The following ZFHX2 variants were observed in gnomAD, a reference collection of about 807,000 sequenced individuals.
The protein encoded by ZFHX2 is zinc finger homeobox 2, also known as zinc finger homeobox protein 2.
In ZFHX2, 75 loss-of-function variants were observed where a neutral mutation model predicts 164.8. That is an observed-to-expected ratio of 0.46 (90% CI 0.38 to 0.55). The LOEUF is 0.55. ZFHX2 is among the 20% of genes least tolerant of loss of function. The probability of loss-of-function intolerance (pLI) is 0.00; values close to 1 mark genes in which losing one functional copy is unlikely to be tolerated. For missense variants in ZFHX2, 2,933 were observed against 3,308.0 expected (o/e 0.89, Z 2.78); for synonymous variants, 1,217 against 1,351.4 (o/e 0.90, Z 2.18).
At position 23,525,428 on chromosome 14, in the gene ZFHX2, C is replaced by T. The variant is rs561952682; in HGVS notation, c.4514G>A (p.Arg1505His). 3.2e-4 allele frequency: 492 copies of T among 1,536,094 alleles called. 2 individuals carry two copies. Among genetic ancestry groups the T allele is most frequent in the South Asian group, 1.5e-3 (130 of 84,060 alleles). The change falls in exon 9 of 10, where the codon CGC (arginine) becomes CAC (histidine). Residue 1505 changes from arginine to histidine, a missense_variant. Transcript: ENST00000419474. The surrounding 1 kb of genome is among the most constrained non-coding windows in gnomAD (Gnocchi z 5.9). ...GCTCAGGGCTTCAAAGGGCAGAAAG[C>T]GGCGGTGGACATGTTCCTCGTGTGT... is the stretch of plus-strand genomic sequence containing the variant. Reference protein sequence around the residue: ...LKTHEEHVHRRFLPFEALSRY... With the variant: ...LKTHEEHVHRHFLPFEALSRY...
chr14:23,552,218 C>T (rs554875620), upstream of ZFHX2, among the ~76,000 whole-genome samples: 1 of 152,064 alleles, frequency 6.6e-6, no homozygotes, highest in Non-Finnish European at 1.5e-5. Context: ...TTACATAGTC[C>T]CCTGAGCTGG....
upstream of ZFHX2, among the ~76,000 whole-genome samples, chr14:23,554,446 G>A (rs139553038): frequency 8.5e-3 from 1,288 of 152,118 alleles, 22 homozygotes; most frequent in African/African-American, 0.03. Flanking sequence ...TAGCAGGATC[G>A]TAGCTCACTG....
rs1389656244 is a variant in ZFHX2, at chr14:23,535,389, G to A, written c.-49-15C>T. 7.0e-7 allele frequency: 1 copy of A among 1,430,146 alleles called. No individual in the cohort carries two copies. The allele number at this position is 1,430,146 out of a possible 1,614,324, so 88.6% of individuals were successfully genotyped here. On this transcript the variant is annotated splice_polypyrimidine_tract_variant and intron_variant, in intron 1 of 9. Transcript: ENST00000419474. The surrounding 1 kb of genome is among the most constrained non-coding windows in gnomAD (Gnocchi z 4.5). ...CAGCCAGTACCCTGTAGGGAGACAA[G>A]GAGAGAGCAGTGCTGTGAGGCTGCA... is the stretch of plus-strand genomic sequence containing the variant.
Position 23,534,047 on chromosome 14 carries a change from G to A in ZFHX2, c.1279C>T (p.Pro427Ser), listed in dbSNP as rs1280651411. Reference protein sequence around the residue: ...QPYRLADDYTPAPAAFQGLSL... With the variant: ...QPYRLADDYTSAPAAFQGLSL... ...AGGCCCTGGAAGGCTGCAGGGGCTG[G>A]GGTGTAGTCATCAGCTAGGCGATAG... The change falls in exon 2 of 10, where the codon CCA (proline) becomes TCA (serine). Residue 427 changes from proline to serine, a missense_variant. By Grantham distance (74) the Pro-to-Ser change is moderately conservative. Transcript: ENST00000419474. This position sits in a 1 kb window ranked among gnomAD's most constrained non-coding sequence, Gnocchi z 4.5. 6.5e-7 allele frequency: 1 copy of A among 1,534,126 alleles called. No homozygotes were observed. The highest frequency in any genetic ancestry group is 2.4e-5 in the East Asian group (1 of 40,862).
chr14:23,524,648 G>C lies in ZFHX2; in HGVS notation c.5294C>G (p.Pro1765Arg). ...CTGGTCACAGGTATGGGCTGGGGAA[G>C]GTGATGGAGTAGCCTTCTCTTCAGG... is the stretch of plus-strand genomic sequence containing the variant. ...KEPEEKATPS[P>R]SPAHTCDQCA... Residue 1765 changes from proline (P) to arginine (R), a missense_variant, in exon 9 of 10, where the codon CCT becomes CGT. Coordinates refer to ENST00000419474, the MANE Select transcript of ZFHX2 (RefSeq NM_033400.3). The surrounding 1 kb of genome is among the most constrained non-coding windows in gnomAD (Gnocchi z 5.6). 2 of 1,536,394 alleles carry C rather than the reference G, an allele frequency of 1.3e-6. No individual in the cohort carries two copies. The highest frequency in any genetic ancestry group is 1.7e-4 in the Middle Eastern group (1 of 5,990).
chr14:23,535,246 G>T lies in ZFHX2; in HGVS notation c.80C>A (p.Thr27Asn). 6.6e-7 allele frequency: 1 copy of T among 1,515,844 alleles called. No homozygotes were observed. The highest frequency in any genetic ancestry group is 2.5e-5 in the East Asian group (1 of 40,436). The allele number at this position is 1,515,844 out of a possible 1,614,324, so 93.9% of individuals were successfully genotyped here. ...GHNAPSLPSD[T>N]FSSSTPSDPV... is the part of the protein sequence containing the mutation. ...ATCAGAGGGGGTGCTGGAGGAGAAG[G>T]TGTCCGAAGGCAGGGACGGGGCATT... is the stretch of plus-strand genomic sequence containing the variant. Residue 27 changes from threonine to asparagine, a missense_variant, in exon 2 of 10, where the codon ACC becomes AAC. Coordinates refer to ENST00000419474, the MANE Select transcript of ZFHX2 (RefSeq NM_033400.3). The surrounding 1 kb of genome is among the most constrained non-coding windows in gnomAD (Gnocchi z 4.5).
intron 8 of ZFHX2, 83 bp from the exon 9 acceptor site, chr14:23,526,762 C>A: frequency 6.5e-7 from 1 of 1,530,490 alleles, no homozygotes; most frequent in Admixed American, 2.0e-5. Flanking sequence ...GGCAGTTGAC[C>A]TTGGCCTCAG....
Position 23,523,115 on chromosome 14 carries a change from A to G in ZFHX2, c.6739+88T>C, listed in dbSNP as rs1196768218. 7.1e-7 allele frequency: 1 copy of G among 1,401,508 alleles called. No homozygotes were observed. Among genetic ancestry groups the G allele is most frequent in the Admixed American group, 3.2e-5 (1 of 31,042 alleles). 86.8% of individuals were successfully genotyped at this position (1,401,508 alleles called of 1,614,324 possible). On this transcript the variant is annotated intron_variant, in intron 9 of 9. Transcript: ENST00000419474. This position sits in a 1 kb window ranked among gnomAD's most constrained non-coding sequence, Gnocchi z 4.1. ...AAAGGAAGGCCACAGGAGATTGGGC[A>G]TGGGAAGAATCAGGAAGGAAAAGGA...
intron 4 of ZFHX2, chr14:23,530,680 ATTAAAGTG>A (rs1158073881): frequency 5.8e-6 from 2 of 344,532 alleles, no homozygotes; most frequent in African/African-American, 4.3e-5. Context: ...TGGCAGCCTA[ATTAAAGTG>A]TTAAAGTTCC....
chr14:23,526,059 G>T lies in ZFHX2; in HGVS notation c.3883C>A (p.Pro1295Thr). Residue 1295 changes from proline (P) to threonine (T), a missense_variant, in exon 9 of 10, where the codon CCC (proline) becomes ACC (threonine). Transcript: ENST00000419474. ...TCCCCCTCTGTCTCGCCTTCCTTGG[G>T]CTCTTCTTGGCTGCGTTCTGGCCCT... The part of the protein sequence containing the change: ...IEGPERSQEE[P>T]KEGETEGEVG... The T allele has an allele frequency of 6.5e-7, 1 of 1,536,512 alleles. No homozygotes were observed.
intron 1 of ZFHX2, among the ~76,000 whole-genome samples, chr14:23,544,837 G>A (rs897589370): frequency 2.8e-4 from 43 of 152,100 alleles, no homozygotes; most frequent in African/African-American, 9.9e-4. Context: ...CCTCCGGCTC[G>A]CCATTTCTCC....
intron 1 of ZFHX2, among the ~76,000 whole-genome samples, chr14:23,538,604 C>T (rs993224508): frequency 1.3e-5 from 2 of 152,200 alleles, no homozygotes; most frequent in African/African-American, 4.8e-5. Context: ...CCATTCTTCC[C>T]TTTAGTTCCT....
At position 23,521,148 on chromosome 14, in the gene ZFHX2, T is replaced by C. The variant is rs1179075306; in HGVS notation, c.*814A>G. On this transcript the variant is annotated 3_prime_UTR_variant, in exon 10 of 10. Coordinates refer to ENST00000419474, the MANE Select transcript of ZFHX2 (RefSeq NM_033400.3). ...TGTGTTTAAAGCCTTTGAGAATAAG[T>C]TACTGCAGTTCCCAGGGTGCAAGGT... 6.6e-6 allele frequency: 1 copy of C among 152,322 alleles called. No individual in the cohort carries two copies. Among genetic ancestry groups the C allele is most frequent in the Non-Finnish European group, 1.5e-5 (1 of 68,166 alleles). 9.4% of individuals were successfully genotyped at this position (152,322 alleles called of 1,614,324 possible). A position where few individuals can be genotyped will look rare whatever the true frequency, so the allele number is the denominator to read the frequency against.
chr14:23,537,279 C>T (rs1411813539), intron 1 of ZFHX2, among the ~76,000 whole-genome samples: 1 of 151,918 alleles, frequency 6.6e-6, no homozygotes, highest in African/African-American at 2.4e-5. Flanking sequence ...CACCAATTCC[C>T]ATGCCTCTCC....
chr14:23,535,249 T>A lies in ZFHX2; in HGVS notation c.77A>T (p.Asp26Val). 6.6e-7 allele frequency: 1 copy of A among 1,514,070 alleles called. No individual in the cohort carries two copies. 93.8% of individuals were successfully genotyped at this position (1,514,070 alleles called of 1,614,324 possible). A position where few individuals can be genotyped will look rare whatever the true frequency, so the allele number is the denominator to read the frequency against. Residue 26 changes from aspartate (D) to valine (V), a missense_variant, in exon 2 of 10, where the codon GAC becomes GTC. Physicochemically the swap from Asp to Val is radical, Grantham distance 152 (BLOSUM62 -3). Transcript: ENST00000419474. This position sits in a 1 kb window ranked among gnomAD's most constrained non-coding sequence, Gnocchi z 4.5. ...AGAGGGGGTGCTGGAGGAGAAGGTG[T>A]CCGAAGGCAGGGACGGGGCATTGTG... The part of the protein sequence containing the change: ...PGHNAPSLPS[D>V]TFSSSTPSDP...
rs1200818786 is a variant in ZFHX2, at chr14:23,534,064, A to G, written c.1262T>C (p.Leu421Pro). 6.6e-7 allele frequency: 1 copy of G among 1,526,116 alleles called. No individual in the cohort carries two copies. Among genetic ancestry groups the G allele is most frequent in the Non-Finnish European group, 8.8e-7 (1 of 1,140,654 alleles). The allele number at this position is 1,526,116 out of a possible 1,614,324, so 94.5% of individuals were successfully genotyped here. A position where few individuals can be genotyped will look rare whatever the true frequency, so the allele number is the denominator to read the frequency against. The change falls in exon 2 of 10, where the codon CTA (leucine) becomes CCA (proline). Residue 421 changes from leucine (L) to proline (P), a missense_variant. Transcript: ENST00000419474. This position sits in a 1 kb window ranked among gnomAD's most constrained non-coding sequence, Gnocchi z 4.5. ...DPSDPPQPYR[L>P]ADDYTPAPAA... ...AGGGGCTGGGGTGTAGTCATCAGCT[A>G]GGCGATAGGGCTGGGGTGGGTCACT...
intron 1 of ZFHX2, among the ~76,000 whole-genome samples, chr14:23,548,153 TCTC>T (rs1881581986): frequency 6.6e-6 from 1 of 152,106 alleles, no homozygotes; most frequent in African/African-American, 2.4e-5. Context: ...ACAAAGCCCT[TCTC>T]CTTTCACATT....
intron 1 of ZFHX2, among the ~76,000 whole-genome samples, chr14:23,544,916 T>C (rs1021428845): frequency 1.5e-4 from 23 of 151,814 alleles, no homozygotes; most frequent in Admixed American, 1.3e-3. Context: ...CTGTCCCCCA[T>C]TGTTCTTTTC....
Position 23,524,083 on chromosome 14 carries a change from G to C in ZFHX2, c.5859C>G (p.Gly1953=), listed in dbSNP as rs149833290. 2.3e-3 allele frequency: 3,558 copies of C among 1,527,576 alleles called. 66 individuals are homozygous for C. In the African/African-American group the frequency reaches 0.041, roughly 17 times the overall value. The allele number at this position is 1,527,576 out of a possible 1,614,324, so 94.6% of individuals were successfully genotyped here. A position where few individuals can be genotyped will look rare whatever the true frequency, so the allele number is the denominator to read the frequency against. Reference sequence around the variant, plus strand: ...CCCTCTTTGGGGCTTCCCTCCCAGTGCCATCATCTACCTTGCCTAATAAGA... The same window carrying C: ...CCCTCTTTGGGGCTTCCCTCCCAGTCCCATCATCTACCTTGCCTAATAAGA... ...FNLLLGKVDD[G]TGREAPKREA... Residue 1953 remains glycine, a synonymous_variant, in exon 9 of 10, where the codon GGC becomes GGG. Coordinates refer to ENST00000419474, the MANE Select transcript of ZFHX2 (RefSeq NM_033400.3). This position sits in a 1 kb window ranked among gnomAD's most constrained non-coding sequence, Gnocchi z 5.6.
Sources: allele counts gnomAD v4.1 joint callset (sites outside exome capture counted in the v4.1 genomes callset), GRCh38; gene constraint gnomAD v4.1.1; non-coding constraint Gnocchi (gnomAD v3.1); transcripts MANE v1.5; gene names NCBI Gene and HGNC (gene_info 2026-07-23, HGNC 2026-07-21).